Variants in TTLL4 observed in about 807,000 individuals in gnomAD.
The protein encoded by TTLL4 is tubulin monoglutamylase TTLL4.
In TTLL4, 85 loss-of-function variants were observed where a neutral mutation model predicts 122.7. The observed-to-expected ratio is 0.69, with a 90% CI of 0.58 to 0.83. TTLL4 has a LOEUF of 0.83. Ranked by LOEUF, TTLL4 falls within the 40% of genes least tolerant of loss-of-function variation. The probability of loss-of-function intolerance (pLI) is 0.00; values close to 1 mark genes in which losing one functional copy is unlikely to be tolerated. For synonymous variants in TTLL4, 553 were observed against 563.0 expected (o/e 0.98, Z 0.25); for missense variants, 1,363 against 1,488.6 (o/e 0.92, Z 1.39).
intron 5 of TTLL4, among the ~76,000 whole-genome samples, chr2:218,741,518 AT>A (rs1942700740): frequency 6.6e-6 from 1 of 152,168 alleles, no homozygotes; most frequent in African/African-American, 2.4e-5. Flanking sequence ...CAGCACACCA[AT>A]TTTAGAGCCC....
At chr2:218,739,761 T>G (rs533232720) in intron 3 of TTLL4, among the ~76,000 whole-genome samples, 1 of 152,380 alleles carries the variant, frequency 6.6e-6, no homozygotes, top group Admixed American at 6.5e-5. Flanking sequence ...TCAAGTCAAT[T>G]ACCAGATATC....
chr2:218,749,771 G>T lies in TTLL4; in HGVS notation c.2736-238G>T, dbSNP rs534706633. Among the ~76,000 whole-genome samples the T allele has an allele frequency of 4.1e-4, 62 of 152,184 alleles. No individual in the cohort carries two copies. The South Asian group carries it at 0.013, about 31-fold the overall frequency. On this transcript the variant is annotated intron_variant, in intron 14 of 19. Transcript: ENST00000392102. ...TGTGAGCCACCACGCCCAGCCAGTT[G>T]TTCTTTTTAAGTGGATCCTTACTGC...
At chr2:218,756,578 A>T (rs994026866), downstream of TTLL4, among the ~76,000 whole-genome samples, 10 of 152,228 alleles carry the variant, frequency 6.6e-5, no homozygotes, top group Non-Finnish European at 1.2e-4. Flanking sequence ...AATCTTATCA[A>T]GCATTTGGCA....
At chr2:218,716,314 C>A (rs544586079) in intron 1 of TTLL4, among the ~76,000 whole-genome samples, 166 of 152,318 alleles carry the variant, frequency 1.1e-3, no homozygotes, top group African/African-American at 1.7e-3. Context: ...GTCATTCATT[C>A]TTTCAAGTAA....
chr2:218,733,338 A>G (rs1476635434), intron 2 of TTLL4, among the ~76,000 whole-genome samples: 1 of 152,136 alleles, frequency 6.6e-6, no homozygotes, highest in Non-Finnish European at 1.5e-5. Flanking sequence ...AGGCCTCAGG[A>G]AACATTCAGT....
At chr2:218,725,578 C>G (rs1412315618) in intron 1 of TTLL4, among the ~76,000 whole-genome samples, 2 of 151,504 alleles carry the variant, frequency 1.3e-5, no homozygotes, top group East Asian at 3.9e-4. Context: ...TTTTTGGAGA[C>G]AAAGTCTTAC....
chr2:218,726,743 A>AATCCC (rs1942209737), intron 1 of TTLL4, among the ~76,000 whole-genome samples: 2 of 151,952 alleles, frequency 1.3e-5, no homozygotes, highest in Admixed American at 6.6e-5. Flanking sequence ...CTGGGATTAT[A>AATCCC]GGCGTGAGCC....
At chr2:218,751,886 T>TA in intron 16 of TTLL4, 80 bp downstream of exon 16, 119 of 987,300 alleles carry the variant, frequency 1.2e-4, no homozygotes, top group African/African-American at 1.7e-4. Context: ...AAACAGCTTT[T>TA]CTTTTTTTTT....
At chr2:218,748,387 G>A (rs1421357419) in intron 12 of TTLL4, 160 bp downstream of exon 12, 2 of 1,180,678 alleles carry the variant, frequency 1.7e-6, no homozygotes, top group Non-Finnish European at 2.3e-6. Flanking sequence ...GGATGTGGTG[G>A]CTCACGCCTG....
At position 218,740,449 on chromosome 2, in the gene TTLL4, A is replaced by G. The variant is rs1012008532; in HGVS notation, c.1598-72A>G. 6.6e-6 allele frequency: 10 copies of G among 1,505,030 alleles called. No individual in the cohort carries two copies. In the African/African-American group the frequency reaches 1.2e-4, roughly 19 times the overall value. The allele number at this position is 1,505,030 out of a possible 1,614,324, so 93.2% of individuals were successfully genotyped here. A position where few individuals can be genotyped will look rare whatever the true frequency, so the allele number is the denominator to read the frequency against. ...GTTGAGCCCAGGATATTCAAGGAAGAGTTGCCTAGGCTTGGTAAGTTTGTG... is the reference window on the plus strand; with the variant it reads ...GTTGAGCCCAGGATATTCAAGGAAGGGTTGCCTAGGCTTGGTAAGTTTGTG... On this transcript the variant is annotated intron_variant, in intron 4 of 19. Coordinates refer to ENST00000392102, the MANE Select transcript of TTLL4 (RefSeq NM_014640.5).
At chr2:218,734,211 G>A (rs1942455094) in intron 2 of TTLL4, among the ~76,000 whole-genome samples, 2 of 152,176 alleles carry the variant, frequency 1.3e-5, no homozygotes, top group Non-Finnish European at 2.9e-5. Context: ...TAAACTGAAT[G>A]TAAGGTTTTT....
chr2:218,730,024 G>A (rs1007958104), intron 2 of TTLL4, among the ~76,000 whole-genome samples: 16 of 152,208 alleles, frequency 1.1e-4, no homozygotes, highest in African/African-American at 3.1e-4. Flanking sequence ...GATTACAGGC[G>A]TGAGCCAATG....
rs1360803242 is a variant in TTLL4 at position 218,738,242 on chromosome 2, G to A, written c.566G>A (p.Gly189Glu). The A allele has an allele frequency of 4.3e-6, 7 of 1,613,838 alleles. No homozygotes were observed. The highest frequency in any genetic ancestry group is 2.2e-5 in the East Asian group (1 of 44,874). Residue 189 changes from glycine (G) to glutamate (E), a missense_variant, in exon 3 of 20, where the codon GGG becomes GAG. Physicochemically the swap from Gly to Glu is moderately conservative, Grantham distance 98. Transcript: ENST00000392102. ...CCATACCTCTGCTTGGCAGCGGCTG[G>A]GGAAAACCCTTCAGGGAAGAGCCTG... ...TEPYLCLAAA[G>E]ENPSGKSLAS...
chr2:218,740,807 C>T (rs560626958), intron 5 of TTLL4, among the ~76,000 whole-genome samples: 17 of 152,290 alleles, frequency 1.1e-4, no homozygotes, highest in African/African-American at 4.1e-4. Context: ...GGCGCAGTGG[C>T]TCACACCTGT....
intron 1 of TTLL4, among the ~76,000 whole-genome samples, chr2:218,724,591 CA>C (rs1942134550): frequency 6.6e-6 from 1 of 152,176 alleles, no homozygotes; most frequent in Non-Finnish European, 1.5e-5. Context: ...CATGTTGCTG[CA>C]AATGATGGGA....
At chr2:218,746,720 C>G in intron 8 of TTLL4, 1 of 467,886 alleles carries the variant, frequency 2.1e-6, no homozygotes, top group Non-Finnish European at 3.8e-6. Context: ...CTTTTCTGTC[C>G]TCATCCCATA....
intron 6 of TTLL4, 135 bp downstream of exon 6, chr2:218,745,368 T>TC (rs1942813577): frequency 8.2e-7 from 1 of 1,220,630 alleles, no homozygotes; most frequent in Non-Finnish European, 1.2e-6. Context: ...TGTGCTCAGT[T>TC]CCCCATGTGG....
intron 1 of TTLL4, among the ~76,000 whole-genome samples, chr2:218,723,172 T>C (rs1475458416): frequency 6.6e-6 from 1 of 152,250 alleles, no homozygotes; most frequent in South Asian, 2.1e-4. Context: ...CATGTTCTTT[T>C]CTTTTGAATA....
chr2:218,758,111 T>C (rs974482199), downstream of TTLL4, among the ~76,000 whole-genome samples: 2 of 152,096 alleles, frequency 1.3e-5, no homozygotes, highest in African/African-American at 2.4e-5. Flanking sequence ...TTCACCAGCG[T>C]TGGATCAGTG....
Sources: gnomAD v4.1 joint callset for allele counts (sites outside exome capture counted in the v4.1 genomes callset) on GRCh38, gnomAD v4.1.1 for gene constraint, MANE v1.5 for transcripts, NCBI Gene and HGNC (gene_info 2026-07-23, HGNC 2026-07-21) for gene names.